PKHD1L1: variants seen among roughly 807,000 people sequenced by gnomAD.
PKHD1L1 encodes fibrocystin-L.
In PKHD1L1, 434 loss-of-function variants were observed where a neutral mutation model predicts 462.9. The ratio of observed to expected loss-of-function variants is 0.94; its 90% CI spans 0.87 to 1.02. The LOEUF (loss-of-function observed/expected upper bound fraction) is 1.02, where lower values mean the gene tolerates loss of function less well. Among genes scored for constraint, PKHD1L1 ranks in the 50% least tolerant of loss-of-function variants. PKHD1L1 has a pLI of 0.00. For missense variants in PKHD1L1, 5,202 were observed against 5,096.1 expected (o/e 1.02, Z -0.63); for synonymous variants, 1,781 against 1,750.0 (o/e 1.02, Z -0.44).
At chr8:109,499,381 C>T (rs1819285717) in intron 67 of PKHD1L1, 1 of 152,244 alleles carries the variant, frequency 6.6e-6, no homozygotes, top group Non-Finnish European at 1.5e-5. Flanking sequence ...GAAAGTAGTT[C>T]AGTAAGTTAG....
Position 109,441,297 on chromosome 8 carries a change from A to T in PKHD1L1, c.4122A>T (p.Thr1374=). Residue 1374 remains threonine (T), a synonymous_variant, in exon 34 of 78, where the codon ACA becomes ACT. Transcript: ENST00000378402. ...VLLGSIPCNV[T]SSSENVIKCI... ...TAGGGTCCATCCCTTGCAATGTTAC[A>T]TCATCATCAGAAAATGTCATAAAAT... The T allele has an allele frequency of 3.8e-6, 6 of 1,582,888 alleles. No individual in the cohort carries two copies. The highest frequency in any genetic ancestry group is 5.2e-6 in the Non-Finnish European group (6 of 1,159,242).
intron 61 of PKHD1L1, among the ~76,000 whole-genome samples, 200 bp downstream of exon 61, chr8:109,491,301 G>A (rs2130920193): frequency 6.6e-6 from 1 of 151,790 alleles, no homozygotes; most frequent in South Asian, 2.1e-4. Flanking sequence ...TATGACTGAG[G>A]AACTGAATTT....
At chr8:109,434,153 A>G (rs1345649597) in intron 28 of PKHD1L1, among the ~76,000 whole-genome samples, 3 of 152,120 alleles carry the variant, frequency 2.0e-5, no homozygotes, top group African/African-American at 7.2e-5. Context: ...AATGTAGGTG[A>G]CGGGTTAATG....
intron 72 of PKHD1L1, among the ~76,000 whole-genome samples, chr8:109,516,037 TAGA>T (rs1396623548): frequency 2.6e-5 from 4 of 152,154 alleles, no homozygotes; most frequent in Non-Finnish European, 5.9e-5. Flanking sequence ...TTACCATTTA[TAGA>T]AGAAGTCATA....
chr8:109,383,686 G>A (rs538640525), intron 4 of PKHD1L1, among the ~76,000 whole-genome samples: 38 of 151,358 alleles, frequency 2.5e-4, no homozygotes, highest in Admixed American at 1.4e-3. Context: ...TTCCCCAGAC[G>A]TGGAACTCTG....
rs1172553209 is a variant in PKHD1L1, at chr8:109,536,015, G to T, written c.*5925G>T. Among the ~76,000 whole-genome samples the T allele has an allele frequency of 6.6e-6, 1 of 152,144 alleles. No individual in the cohort carries two copies. Among genetic ancestry groups the T allele is most frequent in the African/African-American group, 2.4e-5 (1 of 41,420 alleles). Reference sequence around the variant, plus strand: ...ACAAAGAAGGTAGAAGCGGGGGTATGGAGGGTTGACTTCTGGCTGTCCCTC... The same window carrying T: ...ACAAAGAAGGTAGAAGCGGGGGTATTGAGGGTTGACTTCTGGCTGTCCCTC... On this transcript the variant is annotated 3_prime_UTR_variant, in exon 78 of 78. Transcript: ENST00000378402.
intron 25 of PKHD1L1, among the ~76,000 whole-genome samples, chr8:109,428,023 C>CAAAAAAAAA: frequency 1.4e-5 from 1 of 70,248 alleles, no homozygotes; most frequent in Non-Finnish European, 3.1e-5. Flanking sequence ...AACTCCGTCT[C>CAAAAAAAAA]AAAAAAAAAA....
intron 58 of PKHD1L1, among the ~76,000 whole-genome samples, 171 bp downstream of exon 58, chr8:109,485,344 T>C (rs1818472291): frequency 6.6e-6 from 1 of 152,000 alleles, no homozygotes; most frequent in African/African-American, 2.4e-5. Flanking sequence ...TGGTTACCGA[T>C]AGTCCCCGCT....
intron 50 of PKHD1L1, 45 bp from the exon 51 acceptor site, chr8:109,475,073 G>A: frequency 9.9e-6 from 15 of 1,511,686 alleles, no homozygotes; most frequent in Non-Finnish European, 1.3e-5. Context: ...GAGTTTATTA[G>A]AGGTAGAGAT....
At chr8:109,508,343 A>G in intron 70 of PKHD1L1, 79 bp downstream of exon 70, 1 of 1,399,032 alleles carries the variant, frequency 7.1e-7, no homozygotes, top group Non-Finnish European at 9.7e-7. Flanking sequence ...CTCATAAATT[A>G]TTTACCCCAC....
chr8:109,480,934 C>T (rs1438780380), intron 55 of PKHD1L1, among the ~76,000 whole-genome samples: 1 of 151,818 alleles, frequency 6.6e-6, no homozygotes, highest in African/African-American at 2.4e-5. Flanking sequence ...TTAGTTTTCT[C>T]ACCTGTGAAA....
chr8:109,503,118 C>T (rs1169608014), intron 67 of PKHD1L1, among the ~76,000 whole-genome samples: 2 of 152,098 alleles, frequency 1.3e-5, no homozygotes, highest in Non-Finnish European at 2.9e-5. Context: ...CCAGCCTGCC[C>T]AACATGGTGA....
At chr8:109,504,253 C>T in intron 67 of PKHD1L1, 74 bp from the exon 68 acceptor site, 9 of 943,170 alleles carry the variant, frequency 9.5e-6, no homozygotes, top group Non-Finnish European at 1.4e-5. Context: ...ATGTGTTTGG[C>T]AGAATGTGCA....
At chr8:109,398,286 C>T (rs948848877) in intron 11 of PKHD1L1, among the ~76,000 whole-genome samples, 173 bp from the exon 12 acceptor site, 1 of 151,960 alleles carries the variant, frequency 6.6e-6, no homozygotes, top group Non-Finnish European at 1.5e-5. Context: ...GGAAGTATGA[C>T]AATTATTATG....
chr8:109,477,482 C>G (rs1254055311), intron 53 of PKHD1L1, 86 bp downstream of exon 53: 4 of 1,251,444 alleles, frequency 3.2e-6, no homozygotes, highest in Middle Eastern at 3.8e-4. Context: ...AATAATAATG[C>G]TTTACTCTTG....
chr8:109,408,170 T>C lies in PKHD1L1; in HGVS notation c.1935T>C (p.Ala645=). 6.2e-7 allele frequency: 1 copy of C among 1,612,874 alleles called. No individual in the cohort carries two copies. The highest frequency in any genetic ancestry group is 8.5e-7 in the Non-Finnish European group (1 of 1,179,212). ...ETFTLNWDGI[A]SKPLTLWSSE... is the part of the protein sequence containing the mutation. The stretch of plus-strand genomic sequence containing the variant: ...TCACACTGAATTGGGATGGGATCGC[T>C]TCTAAGCCACTCACTCTATGGTCAT... The change falls in exon 18 of 78, where the codon GCT becomes GCC. Residue 645 remains alanine, a synonymous_variant. Coordinates refer to ENST00000378402, the MANE Select transcript of PKHD1L1 (RefSeq NM_177531.6).
rs144869281 is a variant in PKHD1L1, at chr8:109,481,605, A to T, written c.9457+43A>T. The T allele has an allele frequency of 5.0e-4, 741 of 1,481,320 alleles. 6 individuals carry two copies. The highest frequency in any genetic ancestry group is 9.8e-5 in the Non-Finnish European group (109 of 1,116,924). The allele number at this position is 1,481,320 out of a possible 1,614,324, so 91.8% of individuals were successfully genotyped here. The stretch of plus-strand genomic sequence containing the variant: ...CCAAAAGTGTCACATCTGTTTTAAG[A>T]ATCTACTTTAAAATATATGGCACTA... On this transcript the variant is annotated intron_variant, in intron 56 of 77. Coordinates refer to ENST00000378402, the MANE Select transcript of PKHD1L1 (RefSeq NM_177531.6).
intron 43 of PKHD1L1, 30 bp from the exon 44 acceptor site, chr8:109,454,137 T>C: frequency 6.9e-7 from 1 of 1,440,672 alleles, no homozygotes; most frequent in South Asian, 1.3e-5. Flanking sequence ...TTTTTCCTTG[T>C]GATGTATTTC....
chr8:109,392,502 AT>A (rs199513737), intron 9 of PKHD1L1, among the ~76,000 whole-genome samples: 11 of 150,678 alleles, frequency 7.3e-5, no homozygotes, highest in Admixed American at 2.6e-4. Flanking sequence ...CCCCCCACCC[AT>A]TTTTTTTTAA....
Sources: allele counts gnomAD v4.1 joint callset (sites outside exome capture counted in the v4.1 genomes callset), GRCh38; gene constraint gnomAD v4.1.1; transcripts MANE v1.5; gene names NCBI Gene and HGNC (gene_info 2026-07-23, HGNC 2026-07-21).